The following C5 variants were observed in gnomAD, a reference collection of about 807,000 sequenced individuals.
C5 encodes complement C5.
In C5, 140 loss-of-function variants were observed where a neutral mutation model predicts 218.8. That is an observed-to-expected ratio of 0.64 (90% confidence interval 0.56 to 0.74). The LOEUF (loss-of-function observed/expected upper bound fraction) is 0.74. Ranked by LOEUF, C5 falls within the 30% of genes least tolerant of loss-of-function variation. The probability of loss-of-function intolerance (pLI) is 0.00; values close to 1 mark genes in which losing one functional copy is unlikely to be tolerated. For synonymous variants in C5, 614 were observed against 682.3 expected (o/e 0.90, Z 1.56); for missense variants, 1,700 against 1,969.6 (o/e 0.86, Z 2.59).
chr9:121,050,182 G>A lies in C5; in HGVS notation c.65C>T (p.Thr22Ile), dbSNP rs142075999. ...FLGKTWGQEQTYVISAPKIFR... is the reference protein window; with the variant it reads ...FLGKTWGQEQIYVISAPKIFR... The stretch of plus-strand genomic sequence containing the variant: ...AATGAAGATAGCTTGTTTTACTTAC[G>A]TTTGCTCCTGTCCCCAGGTTTTCCC... The change falls in exon 1 of 41, where the codon ACA becomes ATA. Residue 22 changes from threonine to isoleucine, a missense_variant and splice_region_variant. Physicochemically the swap from Thr to Ile is moderately conservative, Grantham distance 89. Transcript: ENST00000223642. 4.8e-5 allele frequency: 77 copies of A among 1,610,070 alleles called. No individual in the cohort carries two copies. In the African/African-American group the frequency reaches 7.1e-4, roughly 15 times the overall value.
In C5 at chr9:120,997,710, T is replaced by C. The variant is rs2047128695; in HGVS notation, c.2627A>G (p.Gln876Arg). ...CACACATTTGGAGGACTTTGTGCCC[T>C]GATGATCAATGACTGGGCTTTCCGA... ...CTSESPVIDH[Q>R]GTKSSKCVRQ... Residue 876 changes from glutamine (Q) to arginine (R), a missense_variant, in exon 21 of 41, where the codon CAG (glutamine) becomes CGG (arginine). Gln to Arg is a conservative substitution (Grantham distance 43). Coordinates refer to ENST00000223642, the MANE Select transcript of C5 (RefSeq NM_001735.3). The C allele has an allele frequency of 1.2e-6, 2 of 1,614,180 alleles. No individual in the cohort carries two copies. Among genetic ancestry groups the C allele is most frequent in the Non-Finnish European group, 1.7e-6 (2 of 1,180,024 alleles).
chr9:120,960,149 AT>A lies in C5; in HGVS notation c.4678+98del, dbSNP rs41313603. On this transcript the variant is annotated intron_variant, in intron 38 of 40. Transcript: ENST00000223642. ...TTCAGGGGATCACATGGAATGTTGT[AT>A]TCATATAATCACTATATAAAGTTTT... 1.9e-4 allele frequency: 145 copies of A among 770,316 alleles called. 1 individual carries two copies. The African/African-American group carries it at 2.4e-3, about 12-fold the overall frequency. The allele number at this position is 770,316 out of a possible 1,614,324, so 47.7% of individuals were successfully genotyped here. A position where few individuals can be genotyped will look rare whatever the true frequency, so the allele number is the denominator to read the frequency against.
In C5 at chr9:121,021,678, G is replaced by T; in HGVS notation, c.1133C>A (p.Ser378Ter). 1 of 1,613,470 alleles carries T rather than the reference G, an allele frequency of 6.2e-7. No homozygotes were observed. Among genetic ancestry groups the T allele is most frequent in the African/African-American group, 1.3e-5 (1 of 75,000 alleles). Residue 378 changes from serine to a stop codon, truncating the protein, a stop_gained, in exon 11 of 41, where the codon TCG (serine) becomes TAG (stop). Transcript: ENST00000223642. LOFTEE classifies it high-confidence loss of function. ...PYPIKVQVKD[S>*]LDQLVGGVPV... Reference sequence around the variant, plus strand: ...GACTCCTCCTACCAACTGGTCAAGCGAATCTTTAACCTGCACCTGTTTGTC... The same window carrying T: ...GACTCCTCCTACCAACTGGTCAAGCTAATCTTTAACCTGCACCTGTTTGTC...
At chr9:121,026,865 C>T (rs2047428411) in intron 8 of C5, among the ~76,000 whole-genome samples, 1 of 151,710 alleles carries the variant, frequency 6.6e-6, no homozygotes, top group Non-Finnish European at 1.5e-5. Flanking sequence ...CATTTTCAAG[C>T]AGAATAAATG....
At chr9:121,014,150 CTGGT>C in intron 16 of C5, 80 bp from the exon 17 acceptor site, 3 of 1,288,252 alleles carry the variant, frequency 2.3e-6, no homozygotes, top group Non-Finnish European at 3.3e-6. Context: ...CAAGGGATAC[CTGGT>C]TTCTGTTGCT....
Position 121,034,892 on chromosome 9 carries a change from A to G in C5, c.495T>C (p.Asp165=). ...AKRETVLTFI[D]PEGSEVDMVE... ...CCATGTCAACTTCTGATCCTTCAGGATCCTGTAAATAAAAACAAACACCCT... is the reference window on the plus strand; with the variant it reads ...CCATGTCAACTTCTGATCCTTCAGGGTCCTGTAAATAAAAACAAACACCCT... The change falls in exon 5 of 41, where the codon GAT becomes GAC. Residue 165 remains aspartate, a splice_region_variant and synonymous_variant. Transcript: ENST00000223642. 6.4e-7 allele frequency: 1 copy of G among 1,558,936 alleles called. No individual in the cohort carries two copies. The highest frequency in any genetic ancestry group is 1.1e-5 in the South Asian group (1 of 88,906).
chr9:120,985,045 C>G (rs547622886), intron 25 of C5, among the ~76,000 whole-genome samples: 16 of 152,188 alleles, frequency 1.1e-4, no homozygotes, highest in African/African-American at 3.6e-4. Context: ...ACTCCTATCT[C>G]TCTTTCTCTT....
intron 20 of C5, among the ~76,000 whole-genome samples, chr9:121,004,774 A>G (rs2047202589): frequency 6.6e-6 from 1 of 151,226 alleles, no homozygotes. Context: ...CCCCATCTTG[A>G]AAAAAAAAGG....
At chr9:121,045,187 CT>C (rs1442529820) in intron 2 of C5, among the ~76,000 whole-genome samples, 1 of 152,012 alleles carries the variant, frequency 6.6e-6, no homozygotes, top group Non-Finnish European at 1.5e-5. Context: ...TGAGCATTTA[CT>C]GCTAAGAACA....
chr9:121,070,338 C>T, the C5 span, among the ~76,000 whole-genome samples: 12 of 123,976 alleles, frequency 9.7e-5, no homozygotes, highest in Admixed American at 1.8e-4. Flanking sequence ...GCCTGGGCAA[C>T]AAGAACAAAA....
At chr9:121,054,464 G>A (rs1363106371), upstream of C5, among the ~76,000 whole-genome samples, 1 of 152,156 alleles carries the variant, frequency 6.6e-6, no homozygotes, top group Non-Finnish European at 1.5e-5. Context: ...GCTGGGTGTG[G>A]TGACAGGTGC....
At position 121,019,969 on chromosome 9, in the gene C5, T is replaced by A. The variant is rs776475072; in HGVS notation, c.1506+7A>T. 9 of 1,506,546 alleles carry A rather than the reference T, an allele frequency of 6.0e-6. No individual in the cohort carries two copies. Among genetic ancestry groups the A allele is most frequent in the Admixed American group, 3.3e-5 (2 of 59,844 alleles). The allele number at this position is 1,506,546 out of a possible 1,614,324, so 93.3% of individuals were successfully genotyped here. On this transcript the variant is annotated splice_region_variant and intron_variant, in intron 12 of 40. Coordinates refer to ENST00000223642, the MANE Select transcript of C5 (RefSeq NM_001735.3). ...AATAAGATGTAAATCCATCATTATGTACTTACCAAGTAATTATAGTGAGTT... is the reference window on the plus strand; with the variant it reads ...AATAAGATGTAAATCCATCATTATGAACTTACCAAGTAATTATAGTGAGTT...
chr9:121,021,280 G>C (rs2047363021), intron 11 of C5, among the ~76,000 whole-genome samples: 1 of 152,156 alleles, frequency 6.6e-6, no homozygotes, highest in South Asian at 2.1e-4. Flanking sequence ...AACGGTGTAA[G>C]ATAAAACAAT....
At position 121,013,945 on chromosome 9, in the gene C5, T is replaced by C. The variant is rs138577779; in HGVS notation, c.2185A>G (p.Thr729Ala). 1 of 1,614,190 alleles carries C rather than the reference T, an allele frequency of 6.2e-7. No individual in the cohort carries two copies. The highest frequency in any genetic ancestry group is 1.3e-5 in the African/African-American group (1 of 75,046). The change falls in exon 17 of 41, where the codon ACT becomes GCT. Residue 729 changes from threonine to alanine, a missense_variant. Thr to Ala is a moderately conservative substitution (Grantham distance 58). Transcript: ENST00000223642. Reference sequence around the variant, plus strand: ...TGGCTTGCGACGACACAACATTCAGTGAAAGCTTTGATGCATCTTGGCCCT... The same window carrying C: ...TGGCTTGCGACGACACAACATTCAGCGAAAGCTTTGATGCATCTTGGCCCT... ...SLGPRCIKAF[T>A]ECCVVASQLR...
intron 8 of C5, chr9:121,025,856 G>C (rs903488475): frequency 5.8e-6 from 2 of 346,002 alleles, no homozygotes; most frequent in African/African-American, 4.2e-5. Context: ...TCCAATTCCT[G>C]CGTCATCATT....
At chr9:121,069,084 T>C in the C5 span, among the ~76,000 whole-genome samples, 1 of 152,096 alleles carries the variant, frequency 6.6e-6, no homozygotes, top group South Asian at 2.1e-4. Context: ...CGGACACTGG[T>C]CTAGGAAAGA....
intron 39 of C5, 180 bp downstream of exon 39, chr9:120,957,105 G>A (rs2046790831): frequency 1.2e-5 from 6 of 517,204 alleles, no homozygotes; most frequent in Middle Eastern, 5.3e-4. Context: ...TGAATTCAAT[G>A]AGAAATATTT....
At chr9:121,046,538 A>T (rs1475019258) in intron 1 of C5, among the ~76,000 whole-genome samples, 155 bp from the exon 2 acceptor site, 1 of 152,182 alleles carries the variant, frequency 6.6e-6, no homozygotes, top group African/African-American at 2.4e-5. Flanking sequence ...CTTGTGACCC[A>T]CCATAACTTC....
chr9:121,030,002 T>C (rs1242709997), intron 7 of C5, among the ~76,000 whole-genome samples: 1 of 152,082 alleles, frequency 6.6e-6, no homozygotes, highest in African/African-American at 2.4e-5. Context: ...AGCTGACTCA[T>C]AAATGTGGGA....
Sources: gnomAD v4.1 joint callset for allele counts (sites outside exome capture counted in the v4.1 genomes callset) on GRCh38, gnomAD v4.1.1 for gene constraint, MANE v1.5 for transcripts, NCBI Gene and HGNC (gene_info 2026-07-23, HGNC 2026-07-21) for gene names.